Variants in JADE1 observed in about 807,000 individuals in gnomAD.
JADE1 encodes protein Jade-1.
Under a neutral mutation model 81.8 loss-of-function variants are expected in JADE1, and 14 were observed. The ratio of observed to expected loss-of-function variants is 0.17; its 90% CI spans 0.11 to 0.27. The LOEUF is 0.27. Ranked by LOEUF, JADE1 falls within the 10% of genes least tolerant of loss-of-function variation. The probability of loss-of-function intolerance (pLI) is 1.00; values close to 1 mark genes in which losing one functional copy is unlikely to be tolerated. For synonymous variants in JADE1, 353 were observed against 391.9 expected (o/e 0.90, Z 1.17); for missense variants, 690 against 1,047.9 (o/e 0.66, Z 4.71).
chr4:128,827,878 C>T (rs1728208102), intron 1 of JADE1: 1 of 985,122 alleles, frequency 1.0e-6, no homozygotes, highest in African/African-American at 1.7e-5. Flanking sequence ...AGATGCTACC[C>T]AGAGTAATAT....
In JADE1 at chr4:128,871,954, C is replaced by A. The variant is rs766113037; in HGVS notation, c.2221C>A (p.Pro741Thr). 1.2e-6 allele frequency: 2 copies of A among 1,613,976 alleles called. No homozygotes were observed. The highest frequency in any genetic ancestry group is 2.2e-5 in the East Asian group (1 of 44,808). ...GACTGCAGTCAAAGTGCCTACAACACCTGCCAGCCCAGTGAAAAACTGGGG... is the reference window on the plus strand; with the variant it reads ...GACTGCAGTCAAAGTGCCTACAACAACTGCCAGCCCAGTGAAAAACTGGGG... ...NQTAVKVPTTPASPVKNWGGF... is the reference protein window; with the variant it reads ...NQTAVKVPTTTASPVKNWGGF... The change falls in exon 11 of 11, where the codon CCT becomes ACT. Residue 741 changes from proline (P) to threonine (T), a missense_variant. Physicochemically the swap from Pro to Thr is conservative, Grantham distance 38. Coordinates refer to ENST00000226319, the MANE Select transcript of JADE1 (RefSeq NM_199320.4). This position sits in a 1 kb window ranked among gnomAD's most constrained non-coding sequence, Gnocchi z 4.1.
chr4:128,873,256 G>GAAAAAAAAAAAAAAAA lies in JADE1; in HGVS notation c.*995_*1010dup, dbSNP rs1296724284. On this transcript the variant is annotated 3_prime_UTR_variant, in exon 11 of 11. Coordinates refer to ENST00000226319, the MANE Select transcript of JADE1 (RefSeq NM_199320.4). ...CATGAATGGATTCCTTAAGAAAAAGGAAAAAAAAAAAAAAAAGAAAAAAAG... is the reference window on the plus strand; with the variant it reads ...CATGAATGGATTCCTTAAGAAAAAGGAAAAAAAAAAAAAAAAAAAAAAAAAAAAAAAAGAAAAAAAG... 12 of 28,398 alleles carry GAAAAAAAAAAAAAAAA rather than the reference G, an allele frequency of 4.2e-4. No homozygotes were observed. Among genetic ancestry groups the GAAAAAAAAAAAAAAAA allele is most frequent in the East Asian group, 2.2e-3 (2 of 912 alleles). 1.8% of individuals were successfully genotyped at this position (28,398 alleles called of 1,614,324 possible). A position where few individuals can be genotyped will look rare whatever the true frequency, so the allele number is the denominator to read the frequency against.
intron 9 of JADE1, chr4:128,864,673 CAA>C (rs984543361): frequency 1.1e-6 from 1 of 878,440 alleles, no homozygotes; most frequent in African/African-American, 1.8e-5. Flanking sequence ...TTAATTCACA[CAA>C]TATCAGTTTA....
intron 9 of JADE1, chr4:128,863,393 C>CA: frequency 1.0e-6 from 1 of 985,464 alleles, no homozygotes; most frequent in Non-Finnish European, 1.2e-6. Context: ...GAAAGGTACC[C>CA]AAGTGGCCTG....
chr4:128,828,590 A>G (rs1388183299), intron 1 of JADE1, among the ~76,000 whole-genome samples: 2 of 152,168 alleles, frequency 1.3e-5, no homozygotes, highest in Non-Finnish European at 2.9e-5. Flanking sequence ...AATGGATTTC[A>G]TTAGAAAGAA....
chr4:128,838,803 C>T (rs192401702), intron 2 of JADE1, among the ~76,000 whole-genome samples: 8 of 152,202 alleles, frequency 5.3e-5, no homozygotes, highest in African/African-American at 1.7e-4. Flanking sequence ...CTGGGGAGAG[C>T]CTGGCTGTAG....
At chr4:128,820,493 A>C (rs939162552) in intron 1 of JADE1, among the ~76,000 whole-genome samples, 7 of 152,316 alleles carry the variant, frequency 4.6e-5, no homozygotes, top group Non-Finnish European at 1.0e-4. Context: ...CTGAGACTTC[A>C]GCCTCAGAGA....
intron 1 of JADE1, among the ~76,000 whole-genome samples, chr4:128,820,665 T>C (rs1029713796): frequency 6.6e-6 from 1 of 152,142 alleles, no homozygotes; most frequent in Non-Finnish European, 1.5e-5. Context: ...TTTTCAAATA[T>C]ACAACATTGG....
intron 2 of JADE1, among the ~76,000 whole-genome samples, chr4:128,835,960 A>C (rs1579151556): frequency 6.6e-6 from 1 of 152,194 alleles, no homozygotes; most frequent in African/African-American, 2.4e-5. Flanking sequence ...CTGGAGGCCC[A>C]GCCCTGCAGT....
chr4:128,829,390 C>T (rs2125822374), intron 1 of JADE1, among the ~76,000 whole-genome samples: 1 of 152,296 alleles, frequency 6.6e-6, no homozygotes, highest in South Asian at 2.1e-4. Flanking sequence ...TCTCTTGGTA[C>T]ATCATTTTAA....
intron 1 of JADE1, among the ~76,000 whole-genome samples, chr4:128,813,564 G>A (rs1726696836): frequency 6.6e-6 from 1 of 151,916 alleles, no homozygotes; most frequent in African/African-American, 2.4e-5. Flanking sequence ...GACTACAGGC[G>A]CGTGCCACCA....
chr4:128,870,503 T>C (rs58580868), intron 10 of JADE1, among the ~76,000 whole-genome samples: 3,392 of 152,300 alleles, frequency 0.022, 111 homozygotes, highest in African/African-American at 0.073. Context: ...TGAATTCACC[T>C]GCTAGGGGTA....
At position 128,871,452 on chromosome 4, in the gene JADE1, G is replaced by C. The variant is rs756930125; in HGVS notation, c.1719G>C (p.Lys573Asn). ...ATGCTCCCAAGATAGAGGACTTGAA[G>C]TGGCATTCTGCATTCTTCAGAAAAC... is the stretch of plus-strand genomic sequence containing the variant. ...GPDAPKIEDL[K>N]WHSAFFRKQM... The change falls in exon 11 of 11, where the codon AAG (lysine) becomes AAC (asparagine). Residue 573 changes from lysine to asparagine, a missense_variant. By Grantham distance (94) the Lys-to-Asn change is moderately conservative (BLOSUM62 0). This residue lies in a region of JADE1 where 86 missense variants were observed against 95.4 expected (regional missense o/e 0.90). Transcript: ENST00000226319. This position sits in a 1 kb window ranked among gnomAD's most constrained non-coding sequence, Gnocchi z 4.1. 6.2e-7 allele frequency: 1 copy of C among 1,614,214 alleles called. No individual in the cohort carries two copies. Among genetic ancestry groups the C allele is most frequent in the South Asian group, 1.1e-5 (1 of 91,086 alleles).
chr4:128,861,563 G>T, intron 8 of JADE1, 141 bp from the exon 9 acceptor site: 2 of 977,302 alleles, frequency 2.0e-6, no homozygotes, highest in South Asian at 1.6e-5. Flanking sequence ...GTTAATCCAC[G>T]TACAACTTTC....
rs778952750 is a variant in JADE1, at chr4:128,861,859, C to T, written c.1137C>T (p.Gly379=). Residue 379 remains glycine (G), a synonymous_variant, in exon 9 of 11, where the codon GGC becomes GGT. Coordinates refer to ENST00000226319, the MANE Select transcript of JADE1 (RefSeq NM_199320.4). ...ATAGGAAACCCGAGGAGAGTCTTGGCAAGGGGGCTGCACAGGAGAATGGGG... is the reference window on the plus strand; with the variant it reads ...ATAGGAAACCCGAGGAGAGTCTTGGTAAGGGGGCTGCACAGGAGAATGGGG... ...SSHRKPEESL[G]KGAAQENGAP... 6.2e-6 allele frequency: 10 copies of T among 1,614,180 alleles called. No individual in the cohort carries two copies. In the South Asian group the frequency reaches 9.9e-5, roughly 16 times the overall value.
intron 3 of JADE1, among the ~76,000 whole-genome samples, chr4:128,845,072 A>G (rs1729754687): frequency 1.3e-5 from 2 of 152,192 alleles, no homozygotes; most frequent in African/African-American, 4.8e-5. Context: ...CTCGATGCCA[A>G]ACACAACTTT....
chr4:128,840,521 C>A (rs1729343897), intron 2 of JADE1, among the ~76,000 whole-genome samples: 1 of 152,208 alleles, frequency 6.6e-6, no homozygotes. Context: ...ATAATTCCAT[C>A]CAGACACTGC....
At chr4:128,815,870 T>C (rs182868843) in intron 1 of JADE1, among the ~76,000 whole-genome samples, 47 of 152,338 alleles carry the variant, frequency 3.1e-4, no homozygotes, top group African/African-American at 1.1e-3. Context: ...ATATGACATA[T>C]TAGCGAACAC....
At chr4:128,832,701 G>A (rs1728655662) in intron 2 of JADE1, among the ~76,000 whole-genome samples, 1 of 152,208 alleles carries the variant, frequency 6.6e-6, no homozygotes, top group Non-Finnish European at 1.5e-5. Context: ...GGAGGGGAGG[G>A]CAGGGAAACC....
Sources: gnomAD v4.1 joint callset for allele counts (sites outside exome capture counted in the v4.1 genomes callset) on GRCh38, gnomAD v4.1.1 for gene constraint, gnomAD v4.1.1 regional missense constraint, Gnocchi (gnomAD v3.1) non-coding constraint, MANE v1.5 for transcripts, NCBI Gene and HGNC (gene_info 2026-07-23, HGNC 2026-07-21) for gene names.